The following C9orf72 variants were observed in gnomAD, a reference collection of about 807,000 sequenced individuals.
C9orf72 encodes C9orf72-SMCR8 complex subunit.
C9orf72 carries 44 observed loss-of-function variants against 51.6 expected under a neutral mutation model. The observed-to-expected ratio is 0.85, with a 90% CI of 0.67 to 1.10. The LOEUF is 1.10. Ranked by LOEUF, C9orf72 falls within the 50% of genes least tolerant of loss-of-function variation. The pLI, the probability that C9orf72 is intolerant of heterozygous loss-of-function variation, is 0.00. For synonymous variants in C9orf72, 213 were observed against 194.2 expected (o/e 1.10, Z -0.81); for missense variants, 607 against 570.6 (o/e 1.06, Z -0.65).
rs796182310 is a variant in C9orf72 at position 27,548,179 on chromosome 9, T to G, written c.*57A>C. 9 of 1,369,000 alleles carry G rather than the reference T, an allele frequency of 6.6e-6. No homozygotes were observed. The highest frequency in any genetic ancestry group is 1.5e-5 in the African/African-American group (1 of 68,400). The allele number at this position is 1,369,000 out of a possible 1,614,324, so 84.8% of individuals were successfully genotyped here. ...CCAGGGGAACGTTTCCCCACACCACTGAGCTACTTTACCAGCGATCATGAT... is the reference window on the plus strand; with the variant it reads ...CCAGGGGAACGTTTCCCCACACCACGGAGCTACTTTACCAGCGATCATGAT... On this transcript the variant is annotated 3_prime_UTR_variant, in exon 11 of 11. Transcript: ENST00000380003.
At chr9:27,568,133 G>C (rs17769300) in intron 1 of C9orf72, among the ~76,000 whole-genome samples, 3,196 of 145,424 alleles carry the variant, frequency 0.022, 56 homozygotes, top group Middle Eastern at 0.051. Context: ...CAAGTCTGGA[G>C]CCATAACAAA....
In C9orf72 at chr9:27,556,318, T is replaced by G; in HGVS notation, c.1091+243A>C. On this transcript the variant is annotated intron_variant, in intron 8 of 10. Transcript: ENST00000380003. The stretch of plus-strand genomic sequence containing the variant: ...ACAGTGCCTAGGAGCTCAATATATA[T>G]TTATTAAACAAATAGTTAAATATTT... The G allele has an allele frequency of 1.1e-5, 6 of 559,622 alleles. No individual in the cohort carries two copies. The South Asian group carries it at 1.5e-4, about 14-fold the overall frequency. The allele number at this position is 559,622 out of a possible 1,614,324, so 34.7% of individuals were successfully genotyped here.
At chr9:27,554,526 G>T (rs1203334064) in intron 8 of C9orf72, 1 of 397,968 alleles carries the variant, frequency 2.5e-6, no homozygotes, top group African/African-American at 2.1e-5. Context: ...CTACCTATTG[G>T]GTACTATGCT....
At position 27,548,406 on chromosome 9, in the gene C9orf72, G is replaced by A. The variant is rs190477376; in HGVS notation, c.1276C>T (p.Pro426Ser). 25 of 1,041,166 alleles carry A rather than the reference G, an allele frequency of 2.4e-5. No homozygotes were observed. The Admixed American group carries it at 6.1e-4, about 25-fold the overall frequency. 64.5% of individuals were successfully genotyped at this position (1,041,166 alleles called of 1,614,324 possible). ...IEDDTQKGKK[P>S]FKSLRNLKID... is the part of the protein sequence containing the mutation. ...TTCAGGTTCCGAAGAGATTTAAAGG[G>A]CTTTTTTCCCTTCTGCCTAAAAATA... The change falls in exon 11 of 11, where the codon CCC becomes TCC. Residue 426 changes from proline (P) to serine (S), a missense_variant. By Grantham distance (74) the Pro-to-Ser change is moderately conservative (BLOSUM62 -1). Transcript: ENST00000380003.
intron 8 of C9orf72, among the ~76,000 whole-genome samples, chr9:27,550,983 G>C (rs1047434695): frequency 2.0e-5 from 3 of 151,854 alleles, no homozygotes; most frequent in Non-Finnish European, 2.9e-5. Flanking sequence ...CCCAGTAAGG[G>C]TATGTATGTA....
chr9:27,564,465 T>C (rs1819421224), intron 3 of C9orf72, among the ~76,000 whole-genome samples: 1 of 152,134 alleles, frequency 6.6e-6, no homozygotes, highest in Admixed American at 6.5e-5. Context: ...TAGAGGGTGC[T>C]GAAAGTTACC....
chr9:27,569,873 C>G (rs906332523), intron 1 of C9orf72, among the ~76,000 whole-genome samples: 30 of 152,196 alleles, frequency 2.0e-4, no homozygotes, highest in Admixed American at 1.3e-4. Flanking sequence ...AAATGTATGA[C>G]AAAGTAAACA....
At chr9:27,564,516 C>G (rs1819422382) in intron 3 of C9orf72, among the ~76,000 whole-genome samples, 1 of 152,092 alleles carries the variant, frequency 6.6e-6, no homozygotes, top group South Asian at 2.1e-4. Context: ...CAAATAAGGA[C>G]TGGGATTCTT....
chr9:27,562,835 TG>T (rs1425923742), intron 3 of C9orf72, among the ~76,000 whole-genome samples: 1 of 152,056 alleles, frequency 6.6e-6, no homozygotes, highest in Non-Finnish European at 1.5e-5. Context: ...CATGCCCGGC[TG>T]ATTTTTGTAT....
rs1307772456 is a variant in C9orf72, at chr9:27,556,601, C to A, written c.1051G>T (p.Asp351Tyr). ...CTTTCGTCAGTGTAGATGATCGTAT[C>A]CTGAGCCATGTCTTCTTCTGAAGTG... ...RATSEEDMAQ[D>Y]TIIYTDESFT... is the part of the protein sequence containing the mutation. The change falls in exon 8 of 11, where the codon GAT (aspartate) becomes TAT (tyrosine). Residue 351 changes from aspartate (D) to tyrosine (Y), a missense_variant. Asp to Tyr is a radical substitution (Grantham distance 160). Coordinates refer to ENST00000380003, the MANE Select transcript of C9orf72 (RefSeq NM_018325.5). The A allele has an allele frequency of 6.2e-7, 1 of 1,613,528 alleles. No individual in the cohort carries two copies. The highest frequency in any genetic ancestry group is 8.5e-7 in the Non-Finnish European group (1 of 1,179,718).
chr9:27,573,523 C>G (rs1345050077), upstream of C9orf72: 1 of 142,418 alleles, frequency 7.0e-6, no homozygotes, highest in Middle Eastern at 3.6e-3. Context: ...GCCCCGACCA[C>G]GCCCCGGCCC....
At chr9:27,567,392 C>A (rs41272889) in intron 1 of C9orf72, among the ~76,000 whole-genome samples, 25 of 152,116 alleles carry the variant, frequency 1.6e-4, no homozygotes, top group Non-Finnish European at 2.8e-4. Context: ...ATATTCAGGG[C>A]ATACATTTAG....
intron 5 of C9orf72, 76 bp downstream of exon 5, chr9:27,561,509 T>C: frequency 3.2e-6 from 5 of 1,580,724 alleles, no homozygotes; most frequent in Non-Finnish European, 4.3e-6. Context: ...TTATTTTCTT[T>C]CTTCCAAATC....
intron 1 of C9orf72, among the ~76,000 whole-genome samples, chr9:27,570,585 G>T (rs139691959): frequency 1.4e-4 from 21 of 152,080 alleles, no homozygotes; most frequent in African/African-American, 4.3e-4. Context: ...AAAAAAATGG[G>T]CCGGGCATGG....
Position 27,558,366 on chromosome 9 carries a change from G to A in C9orf72, c.855+125C>T, listed in dbSNP as rs1819258530. The stretch of plus-strand genomic sequence containing the variant: ...TAGTCTATGTGCAGAACTGTGTAAA[G>A]GAAGTCAGTCTCTGGGCATGTCAAT... On this transcript the variant is annotated intron_variant, in intron 7 of 10. Coordinates refer to ENST00000380003, the MANE Select transcript of C9orf72 (RefSeq NM_018325.5). 1.5e-5 allele frequency: 10 copies of A among 683,310 alleles called. 1 individual carries two copies. Among genetic ancestry groups the A allele is most frequent in the Middle Eastern group, 8.3e-4 (2 of 2,408 alleles). 42.3% of individuals were successfully genotyped at this position (683,310 alleles called of 1,614,324 possible). A position where few individuals can be genotyped will look rare whatever the true frequency, so the allele number is the denominator to read the frequency against.
At chr9:27,561,764 T>C (rs1327660593) in intron 4 of C9orf72, 115 bp from the exon 5 acceptor site, 4 of 613,508 alleles carry the variant, frequency 6.5e-6, no homozygotes, top group Non-Finnish European at 1.1e-5. Context: ...CTGCCTTCAT[T>C]TCCGAGAATC....
chr9:27,563,585 T>A (rs1196847389), intron 3 of C9orf72, among the ~76,000 whole-genome samples: 1 of 152,204 alleles, frequency 6.6e-6, no homozygotes, highest in Admixed American at 6.5e-5. Context: ...TAAGCATCTT[T>A]AAGTTAGAAT....
At chr9:27,562,841 T>C (rs1046380186) in intron 3 of C9orf72, among the ~76,000 whole-genome samples, 1 of 152,042 alleles carries the variant, frequency 6.6e-6, no homozygotes, top group Non-Finnish European at 1.5e-5. Context: ...CGGCTGATTT[T>C]TGTATTTTTA....
chr9:27,556,730 T>G lies in C9orf72; in HGVS notation c.922A>C (p.Ile308Leu), dbSNP rs756724177. The change falls in exon 8 of 11, where the codon ATA becomes CTA. Residue 308 changes from isoleucine (I) to leucine (L), a missense_variant. By Grantham distance (5) the Ile-to-Leu change is conservative (BLOSUM62 2). Transcript: ENST00000380003. The stretch of plus-strand genomic sequence containing the variant: ...TTCACAGTATTGACATCCACATCTA[T>G]GTGTGTGGTGGGATATGGAGCATAC... ...VMYAPYPTTH[I>L]DVDVNTVKQM... The G allele has an allele frequency of 6.2e-7, 1 of 1,614,000 alleles. No homozygotes were observed. The highest frequency in any genetic ancestry group is 1.7e-5 in the Admixed American group (1 of 60,000).
Sources: gnomAD v4.1 joint callset for allele counts (sites outside exome capture counted in the v4.1 genomes callset) on GRCh38, gnomAD v4.1.1 for gene constraint, MANE v1.5 for transcripts, NCBI Gene and HGNC (gene_info 2026-07-23, HGNC 2026-07-21) for gene names.